RSU1: variants seen among roughly 807,000 people sequenced by gnomAD.
RSU1 encodes the protein rsu-1.
A neutral mutation model predicts 31.1 loss-of-function variants in RSU1; 26 were observed. The observed-to-expected ratio is 0.84, with a 90% CI of 0.61 to 1.16. RSU1 has a LOEUF of 1.16. Ranked by LOEUF, RSU1 falls within the 50% of genes most tolerant of loss-of-function variation. The pLI, the probability that RSU1 is intolerant of heterozygous loss-of-function variation, is 0.00. For missense variants in RSU1, 320 were observed against 339.1 expected (o/e 0.94, Z 0.44); for synonymous variants, 164 against 136.3 (o/e 1.20, Z -1.41).
At position 16,682,028 on chromosome 10, in the gene RSU1, CA is replaced by C. The variant is rs1354830349; in HGVS notation, c.731+12994del. On this transcript the variant is annotated intron_variant, in intron 8 of 8. Coordinates refer to ENST00000345264, the MANE Select transcript of RSU1 (RefSeq NM_012425.4). ...TACCTCTCTTGGCATGCTGAGAAAGCAAGCCAGCTTTAACTACATGAGAAGA... is the reference window on the plus strand; with the variant it reads ...TACCTCTCTTGGCATGCTGAGAAAGCAGCCAGCTTTAACTACATGAGAAGA... Among the ~76,000 whole-genome samples, 6 of 152,174 alleles carry C rather than the reference CA, an allele frequency of 3.9e-5. No individual in the cohort carries two copies. In the East Asian group the frequency reaches 1.2e-3, roughly 29 times the overall value.
At chr10:16,709,729 C>T (rs1197595104) in intron 7 of RSU1, among the ~76,000 whole-genome samples, 1 of 152,120 alleles carries the variant, frequency 6.6e-6, no homozygotes, top group Admixed American at 6.5e-5. Flanking sequence ...TTTTGATTTG[C>T]ATTTCTCTGA....
chr10:16,724,932 T>A (rs779546716), intron 7 of RSU1, among the ~76,000 whole-genome samples: 9 of 152,226 alleles, frequency 5.9e-5, no homozygotes, highest in Non-Finnish European at 1.0e-4. Context: ...GCATACTGAA[T>A]GGTTCCGTTC....
chr10:16,692,358 T>A (rs183875500), intron 8 of RSU1, among the ~76,000 whole-genome samples: 1 of 152,322 alleles, frequency 6.6e-6, no homozygotes, highest in Admixed American at 6.5e-5. Context: ...TTTAATCTTT[T>A]AAAATTAAAA....
chr10:16,690,087 C>G (rs1835514807), intron 8 of RSU1, among the ~76,000 whole-genome samples: 2 of 152,162 alleles, frequency 1.3e-5, no homozygotes, highest in South Asian at 2.1e-4. Context: ...TGAGTTACCC[C>G]CTTTCACAAA....
At chr10:16,634,662 G>A (rs564285501) in intron 8 of RSU1, among the ~76,000 whole-genome samples, 62 of 152,268 alleles carry the variant, frequency 4.1e-4, no homozygotes, top group African/African-American at 1.4e-3. Flanking sequence ...GTACACAGAG[G>A]TGTCTTTCTA....
chr10:16,725,503 G>T (rs530447496), intron 7 of RSU1, among the ~76,000 whole-genome samples: 7 of 152,198 alleles, frequency 4.6e-5, no homozygotes, highest in African/African-American at 1.7e-4. Flanking sequence ...ATCTTGAGCG[G>T]GGGGCCTTCA....
intron 2 of RSU1, among the ~76,000 whole-genome samples, chr10:16,789,777 G>C (rs946379220): frequency 6.6e-5 from 10 of 152,172 alleles, no homozygotes; most frequent in Admixed American, 3.9e-4. Context: ...ACACCATTCA[G>C]AATGAGCTCC....
intron 8 of RSU1, among the ~76,000 whole-genome samples, chr10:16,604,706 T>C (rs1833771912): frequency 6.6e-6 from 1 of 152,136 alleles, no homozygotes; most frequent in Admixed American, 6.5e-5. Flanking sequence ...AATACCGTGA[T>C]GTGACTGCAG....
At chr10:16,638,940 T>TA (rs1443059824) in intron 8 of RSU1, among the ~76,000 whole-genome samples, 2 of 152,364 alleles carry the variant, frequency 1.3e-5, no homozygotes, top group African/African-American at 2.4e-5. Flanking sequence ...AATGACTTTG[T>TA]AAAACCCAGA....
chr10:16,725,575 C>A (rs75944611), intron 7 of RSU1, among the ~76,000 whole-genome samples: 1 of 151,790 alleles, frequency 6.6e-6, no homozygotes, highest in Non-Finnish European at 1.5e-5. Context: ...GTATTCGGTG[C>A]GCTTATAACA....
At chr10:16,660,565 C>T (rs1236449351) in intron 8 of RSU1, among the ~76,000 whole-genome samples, 1 of 150,014 alleles carries the variant, frequency 6.7e-6, no homozygotes, top group Non-Finnish European at 1.5e-5. Context: ...CTTACTCTCT[C>T]TTTACTGTTT....
At chr10:16,792,231 A>C (rs781426453) in intron 2 of RSU1, among the ~76,000 whole-genome samples, 2 of 152,092 alleles carry the variant, frequency 1.3e-5, no homozygotes, top group Non-Finnish European at 2.9e-5. Flanking sequence ...TCTGCAAAGG[A>C]TTCATCACTT....
intron 8 of RSU1, among the ~76,000 whole-genome samples, chr10:16,622,715 C>G (rs1234020590): frequency 6.6e-6 from 1 of 152,146 alleles, no homozygotes; most frequent in African/African-American, 2.4e-5. Context: ...TTGTGAATCA[C>G]CACGGCCCAG....
intron 8 of RSU1, among the ~76,000 whole-genome samples, chr10:16,677,952 C>A (rs1169350645): frequency 1.3e-5 from 2 of 151,622 alleles, no homozygotes. Context: ...GAAACACACA[C>A]GTCATCTTAG....
chr10:16,645,194 T>G (rs1834514923), intron 8 of RSU1, among the ~76,000 whole-genome samples: 1 of 152,226 alleles, frequency 6.6e-6, no homozygotes, highest in African/African-American at 2.4e-5. Flanking sequence ...AATAAGGATT[T>G]GGGCTAGCAA....
intron 1 of RSU1, 77 bp downstream of exon 1, chr10:16,817,238 A>T (rs1838561450): frequency 8.4e-4 from 327 of 387,636 alleles, no homozygotes; most frequent in African/African-American, 2.6e-3. Flanking sequence ...CGGGGAGGGG[A>T]TGGAGTGGGA....
At chr10:16,641,243 G>A (rs1176655975) in intron 8 of RSU1, among the ~76,000 whole-genome samples, 1 of 152,192 alleles carries the variant, frequency 6.6e-6, no homozygotes, top group Non-Finnish European at 1.5e-5. Flanking sequence ...AATTGGTTAT[G>A]TTTTCAGGTT....
At chr10:16,671,002 G>A (rs369391611) in intron 8 of RSU1, among the ~76,000 whole-genome samples, 4 of 152,304 alleles carry the variant, frequency 2.6e-5, no homozygotes, top group South Asian at 2.1e-4. Context: ...CTGACCTCAG[G>A]TGATCCACCT....
At chr10:16,681,976 C>G (rs1835334967) in intron 8 of RSU1, among the ~76,000 whole-genome samples, 1 of 152,058 alleles carries the variant, frequency 6.6e-6, no homozygotes, top group African/African-American at 2.4e-5. Context: ...ATGGTGCATC[C>G]TATGAAAATA....
Sources: gnomAD v4.1 joint callset for allele counts (sites outside exome capture counted in the v4.1 genomes callset) on GRCh38, gnomAD v4.1.1 for gene constraint, MANE v1.5 for transcripts, NCBI Gene and HGNC (gene_info 2026-07-23, HGNC 2026-07-21) for gene names.